SYT9: variants seen among roughly 807,000 people sequenced by gnomAD.
SYT9 encodes synaptotagmin-9.
SYT9 carries 22 observed loss-of-function variants against 48.4 expected under a neutral mutation model. That is an observed-to-expected ratio of 0.45 (90% CI 0.32 to 0.65). The LOEUF (loss-of-function observed/expected upper bound fraction) is 0.65. Ranked by LOEUF, SYT9 falls within the 30% of genes least tolerant of loss-of-function variation. The probability of loss-of-function intolerance (pLI) is 0.03; values close to 1 mark genes in which losing one functional copy is unlikely to be tolerated. For synonymous variants in SYT9, 265 were observed against 245.0 expected (o/e 1.08, Z -0.76); for missense variants, 577 against 622.0 (o/e 0.93, Z 0.77).
chr11:7,309,524 C>T (rs1196845138), intron 2 of SYT9, among the ~76,000 whole-genome samples: 13 of 152,116 alleles, frequency 8.5e-5, no homozygotes, highest in African/African-American at 2.9e-4. Context: ...GCCCTGGGAG[C>T]CTCGCATTTA....
intron 6 of SYT9, among the ~76,000 whole-genome samples, chr11:7,436,249 G>A (rs1847706982): frequency 6.6e-6 from 1 of 152,152 alleles, no homozygotes; most frequent in Non-Finnish European, 1.5e-5. Flanking sequence ...AGGTGGGTAG[G>A]ATAGTAGGTT....
intron 1 of SYT9, among the ~76,000 whole-genome samples, chr11:7,297,394 A>G (rs1244047043): frequency 1.3e-5 from 2 of 152,214 alleles, no homozygotes; most frequent in Non-Finnish European, 2.9e-5. Flanking sequence ...AAATTGTGAC[A>G]TATCATTTGA....
intron 6 of SYT9, among the ~76,000 whole-genome samples, chr11:7,425,312 G>C (rs935253545): frequency 6.6e-6 from 1 of 152,180 alleles, no homozygotes; most frequent in Non-Finnish European, 1.5e-5. Context: ...ATGAATGACT[G>C]TTTCCCAAAG....
At chr11:7,396,169 A>G (rs573835103) in intron 3 of SYT9, among the ~76,000 whole-genome samples, 1 of 152,242 alleles carries the variant, frequency 6.6e-6, no homozygotes, top group Admixed American at 6.5e-5. Context: ...AAACATTGTC[A>G]TGATCACAAC....
At chr11:7,295,096 G>T (rs143024401) in intron 1 of SYT9, among the ~76,000 whole-genome samples, 1 of 152,158 alleles carries the variant, frequency 6.6e-6, no homozygotes. Flanking sequence ...TCTTCCAAAC[G>T]TGGGTTCTCA....
intron 3 of SYT9, among the ~76,000 whole-genome samples, chr11:7,407,360 ATTTTTTTTTTTTTT>A (rs756378336): frequency 2.6e-5 from 1 of 37,756 alleles, no homozygotes; most frequent in Non-Finnish European, 4.2e-5. Flanking sequence ...TAAGTCTATA[ATTTTTTTTTTTTTT>A]TTTTTTTTTT....
At chr11:7,384,749 C>T (rs1036153801) in intron 3 of SYT9, among the ~76,000 whole-genome samples, 1 of 152,140 alleles carries the variant, frequency 6.6e-6, no homozygotes, top group African/African-American at 2.4e-5. Context: ...ACTCAGAGCA[C>T]AAGCAAAAAT....
At chr11:7,415,965 G>A in intron 3 of SYT9, 77 bp from the exon 4 acceptor site, 2 of 1,586,868 alleles carry the variant, frequency 1.3e-6, no homozygotes, top group Non-Finnish European at 1.7e-6. Flanking sequence ...TTCCCTTTCA[G>A]TGTGGCCTGA....
At chr11:7,267,709 A>C (rs1186430713) in intron 1 of SYT9, among the ~76,000 whole-genome samples, 1 of 151,986 alleles carries the variant, frequency 6.6e-6, no homozygotes, top group East Asian at 1.9e-4. Flanking sequence ...GAGAAAAAAA[A>C]ATAAGAGCAA....
chr11:7,373,027 A>G (rs1850390662), intron 3 of SYT9, among the ~76,000 whole-genome samples: 2 of 152,140 alleles, frequency 1.3e-5, no homozygotes, highest in South Asian at 4.1e-4. Context: ...GTTCATTAAT[A>G]TGATTTATTA....
At chr11:7,354,257 A>G (rs1202138038) in intron 3 of SYT9, among the ~76,000 whole-genome samples, 1 of 152,148 alleles carries the variant, frequency 6.6e-6, no homozygotes, top group Non-Finnish European at 1.5e-5. Flanking sequence ...TCCATCACCT[A>G]TACTCCAGCC....
At chr11:7,329,928 T>G (rs1246231154) in intron 3 of SYT9, among the ~76,000 whole-genome samples, 1 of 152,086 alleles carries the variant, frequency 6.6e-6, no homozygotes, top group Non-Finnish European at 1.5e-5. Flanking sequence ...TGAACATGTG[T>G]GGAGGTGATT....
chr11:7,367,341 AG>A (rs1462379839), intron 3 of SYT9, among the ~76,000 whole-genome samples: 12 of 150,152 alleles, frequency 8.0e-5, no homozygotes, highest in African/African-American at 2.7e-4. Flanking sequence ...TCGGCCTCCC[AG>A]AGTGCTGGGA....
At chr11:7,379,726 C>G (rs949261020) in intron 3 of SYT9, among the ~76,000 whole-genome samples, 6 of 152,098 alleles carry the variant, frequency 3.9e-5, no homozygotes, top group Admixed American at 2.6e-4. Context: ...GGTGGTTACT[C>G]AACTGTCTTT....
chr11:7,284,898 C>T (rs1848568089), intron 1 of SYT9, among the ~76,000 whole-genome samples: 1 of 152,110 alleles, frequency 6.6e-6, no homozygotes, highest in South Asian at 2.1e-4. Flanking sequence ...CCTCAGAGTA[C>T]TTTAGTATGG....
upstream of SYT9, among the ~76,000 whole-genome samples, chr11:7,251,290 C>T (rs1847862709): frequency 1.2e-5 from 1 of 81,522 alleles, no homozygotes; most frequent in African/African-American, 4.7e-5. Flanking sequence ...GATTTCCAAA[C>T]GGTTGCTTAG....
intron 3 of SYT9, among the ~76,000 whole-genome samples, chr11:7,392,425 T>G (rs944008866): frequency 6.6e-6 from 1 of 152,166 alleles, no homozygotes; most frequent in African/African-American, 2.4e-5. Flanking sequence ...CTGTGTGGCT[T>G]TATTTACTGG....
chr11:7,420,293 C>G (rs1847326107), intron 5 of SYT9, among the ~76,000 whole-genome samples: 1 of 152,128 alleles, frequency 6.6e-6, no homozygotes, highest in Non-Finnish European at 1.5e-5. Flanking sequence ...ACAAGTTGAC[C>G]CATGTCAGTT....
In SYT9 at chr11:7,432,608, T is replaced by A. The variant is rs376531588; in HGVS notation, c.1467+11973T>A. On this transcript the variant is annotated intron_variant, in intron 6 of 6. Transcript: ENST00000318881. The stretch of plus-strand genomic sequence containing the variant: ...ATATATATACATATATATATATATA[T>A]ATATATATATATATATATATATATA... Among the ~76,000 whole-genome samples the A allele has an allele frequency of 4.2e-4, 9 of 21,528 alleles. 2 individuals carry two copies. Among genetic ancestry groups the A allele is most frequent in the Admixed American group, 2.3e-3 (5 of 2,146 alleles). The allele number at this position is 21,528 out of a possible 152,430, so 14.1% of individuals were successfully genotyped here.
Sources: allele counts gnomAD v4.1 joint callset (sites outside exome capture counted in the v4.1 genomes callset), GRCh38; gene constraint gnomAD v4.1.1; transcripts MANE v1.5; gene names NCBI Gene and HGNC (gene_info 2026-07-23, HGNC 2026-07-21).